Variants in RAD51B observed in about 807,000 individuals in gnomAD.
RAD51B encodes the protein RAD51 paralog B.
RAD51B carries 38 observed loss-of-function variants against 42.2 expected under a neutral mutation model. That is an observed-to-expected ratio of 0.90 (90% confidence interval 0.70 to 1.18). The LOEUF is 1.18. Among genes scored for constraint, RAD51B ranks in the 50% most tolerant of loss-of-function variants. RAD51B has a pLI of 0.00. For missense variants in RAD51B, 373 were observed against 400.7 expected, an observed-to-expected ratio of 0.93 and a Z score of 0.59; for synonymous variants, 154 against 145.2, an observed-to-expected ratio of 1.06 and a Z score of -0.43.
chr14:68,330,302 A>G (rs1566813007), intron 8 of RAD51B, among the ~76,000 whole-genome samples: 1 of 152,240 alleles, frequency 6.6e-6, no homozygotes, highest in Non-Finnish European at 1.5e-5. Flanking sequence ...GGAAGAAAAT[A>G]AATGGTGTTT....
chr14:68,029,280 C>T (rs926916907), intron 7 of RAD51B, among the ~76,000 whole-genome samples: 2 of 152,198 alleles, frequency 1.3e-5, no homozygotes, highest in African/African-American at 4.8e-5. Context: ...TTCATCTAGT[C>T]AGCCATCTTG....
intron 10 of RAD51B, among the ~76,000 whole-genome samples, chr14:68,511,867 TTGA>T (rs1161111627): frequency 6.6e-6 from 1 of 152,130 alleles, no homozygotes; most frequent in Non-Finnish European, 1.5e-5. Context: ...CCCTTTTGGG[TTGA>T]TATTGTAATT....
At position 68,282,700 on chromosome 14, in the gene RAD51B, T is replaced by G. The variant is rs1002853845; in HGVS notation, c.757-9184T>G. Among the ~76,000 whole-genome samples the G allele has an allele frequency of 2.6e-5, 4 of 152,234 alleles. No homozygotes were observed. In the East Asian group the frequency reaches 5.8e-4, roughly 22 times the overall value. On this transcript the variant is annotated intron_variant, in intron 7 of 10. Transcript: ENST00000471583. ...CTAGGCAGACCTTGTGACCTCTGTT[T>G]CAATACATAGTGAGTGGCCTTTGCT...
At chr14:68,540,152 A>C in intron 10 of RAD51B, 3 of 992,090 alleles carry the variant, frequency 3.0e-6, no homozygotes, top group East Asian at 7.1e-5. Flanking sequence ...ACATGAGGGA[A>C]TCCTACCCTG....
chr14:68,653,531 C>G (rs1892746023), intron 11 of RAD51B, among the ~76,000 whole-genome samples: 1 of 152,160 alleles, frequency 6.6e-6, no homozygotes, highest in South Asian at 2.1e-4. Context: ...TGTGGATGGC[C>G]CTGTGTATTG....
At chr14:68,232,293 A>G (rs2080163977) in intron 7 of RAD51B, among the ~76,000 whole-genome samples, 1 of 152,198 alleles carries the variant, frequency 6.6e-6, no homozygotes, top group Admixed American at 6.5e-5. Context: ...AATAAGGAGC[A>G]GTGGCAAGTG....
intron 9 of RAD51B, among the ~76,000 whole-genome samples, chr14:68,427,966 T>A (rs190071835): frequency 7.9e-5 from 12 of 152,358 alleles, no homozygotes; most frequent in Admixed American, 5.9e-4. Context: ...AATGGATTAA[T>A]GCTGTTATTG....
At chr14:67,830,855 G>A (rs76972373) in intron 3 of RAD51B, among the ~76,000 whole-genome samples, 2,819 of 151,840 alleles carry the variant, frequency 0.019, 47 homozygotes, top group Middle Eastern at 0.044. Context: ...AGGTTTGAGG[G>A]AGGCAGATCA....
At chr14:67,874,739 T>C (rs1303847635) in intron 5 of RAD51B, among the ~76,000 whole-genome samples, 1 of 152,116 alleles carries the variant, frequency 6.6e-6, no homozygotes, top group East Asian at 1.9e-4. Flanking sequence ...TGCTTGTATA[T>C]ACCTTGAGAA....
At chr14:68,632,590 G>A (rs1185440499) in intron 10 of RAD51B, among the ~76,000 whole-genome samples, 8 of 152,184 alleles carry the variant, frequency 5.3e-5, no homozygotes, top group African/African-American at 7.2e-5. Context: ...AGCTGTGAAT[G>A]AGGAGGGTGT....
intron 7 of RAD51B, among the ~76,000 whole-genome samples, chr14:68,200,336 C>A (rs2079456963): frequency 6.6e-6 from 1 of 152,174 alleles, no homozygotes; most frequent in African/African-American, 2.4e-5. Flanking sequence ...TCTTACCTCT[C>A]TTTGAAAAGA....
In RAD51B at chr14:68,658,924, G is replaced by A. The variant is rs541714432; in HGVS notation, c.*11+8068G>A. Among the ~76,000 whole-genome samples the A allele has an allele frequency of 4.3e-4, 66 of 152,360 alleles. 1 individual carries two copies. Among genetic ancestry groups the A allele is most frequent in the Middle Eastern group, 3.4e-3 (1 of 294 alleles). On this transcript the variant is annotated intron_variant, in intron 11 of 11. Transcript: ENST00000488612. ...AGCCACACAGCTCCCTGGAGTAAGAGAGAGGCTGTACAGCCCAGGATGTCA... is the reference window on the plus strand; with the variant it reads ...AGCCACACAGCTCCCTGGAGTAAGAAAGAGGCTGTACAGCCCAGGATGTCA...
At chr14:68,133,780 A>G (rs1402615914) in intron 7 of RAD51B, among the ~76,000 whole-genome samples, 1 of 152,036 alleles carries the variant, frequency 6.6e-6, no homozygotes, top group Non-Finnish European at 1.5e-5. Context: ...CCAAATCTGA[A>G]TGATTTTTTT....
intron 9 of RAD51B, among the ~76,000 whole-genome samples, chr14:68,431,996 A>G (rs2085020409): frequency 6.6e-6 from 1 of 152,100 alleles, no homozygotes; most frequent in South Asian, 2.1e-4. Context: ...TTCTGCCTTC[A>G]TTTCGTTATG....
intron 11 of RAD51B, among the ~76,000 whole-genome samples, chr14:68,672,760 T>A (rs989493674): frequency 5.9e-5 from 9 of 152,160 alleles, no homozygotes; most frequent in Admixed American, 6.5e-5. Flanking sequence ...AAAATAACCA[T>A]GAGATCATTG....
intron 10 of RAD51B, among the ~76,000 whole-genome samples, chr14:68,640,917 C>A (rs1354419820): frequency 6.6e-6 from 1 of 152,108 alleles, no homozygotes; most frequent in Admixed American, 6.5e-5. Context: ...AAAGTTAAAG[C>A]AGAAGTGGCA....
chr14:68,439,500 G>A (rs1429582644), intron 9 of RAD51B, among the ~76,000 whole-genome samples: 1 of 42,954 alleles, frequency 2.3e-5, no homozygotes, highest in African/African-American at 1.4e-4. Context: ...GATGGACCTT[G>A]ACAGATACAG....
chr14:67,845,915 A>G (rs2041595951), intron 4 of RAD51B, among the ~76,000 whole-genome samples: 1 of 151,852 alleles, frequency 6.6e-6, no homozygotes. Context: ...ATCATTTTGG[A>G]TAGTATCTCA....
chr14:68,425,177 A>G (rs1266847999), intron 9 of RAD51B, among the ~76,000 whole-genome samples: 1 of 152,210 alleles, frequency 6.6e-6, no homozygotes, highest in Non-Finnish European at 1.5e-5. Context: ...AGTATTTTCA[A>G]AGAAAACCCA....
Sources: gnomAD v4.1 joint callset for allele counts (sites outside exome capture counted in the v4.1 genomes callset) on GRCh38, gnomAD v4.1.1 for gene constraint, MANE v1.5 for transcripts, NCBI Gene and HGNC (gene_info 2026-07-23, HGNC 2026-07-21) for gene names.